Variants in SGCD observed in about 807,000 individuals in gnomAD.
The protein encoded by SGCD is sarcoglycan delta, also known as delta-sarcoglycan.
SGCD carries 18 observed loss-of-function variants against 36.6 expected under a neutral mutation model. The observed-to-expected ratio is 0.49, with a 90% CI of 0.34 to 0.73. The LOEUF is 0.73. SGCD is among the 30% of genes least tolerant of loss of function. The pLI is 0.01. For synonymous variants in SGCD, 133 were observed against 130.6 expected, an observed-to-expected ratio of 1.02 and a Z score of -0.12; for missense variants, 387 against 346.7, an observed-to-expected ratio of 1.12 and a Z score of -0.92.
chr5:156,589,372 C>T, intron 5 of SGCD, 54 bp downstream of exon 5: 1 of 970,998 alleles, frequency 1.0e-6, no homozygotes, highest in South Asian at 1.4e-5. Flanking sequence ...ACTCAGAATA[C>T]AGAATTAATG....
intron 3 of SGCD, among the ~76,000 whole-genome samples, chr5:156,431,097 C>T (rs1340845161): frequency 6.6e-6 from 1 of 152,056 alleles, no homozygotes; most frequent in Non-Finnish European, 1.5e-5. Context: ...GCTGAGGTTT[C>T]ATCAGGGTGA....
intron 2 of SGCD, among the ~76,000 whole-genome samples, chr5:156,343,431 G>A (rs1768772938): frequency 6.6e-6 from 1 of 152,176 alleles, no homozygotes; most frequent in Non-Finnish European, 1.5e-5. Flanking sequence ...AGAGACCTTG[G>A]TACCACATTC....
chr5:156,238,628 G>A (rs1765226278), intron 3 of SGCD, among the ~76,000 whole-genome samples: 1 of 152,142 alleles, frequency 6.6e-6, no homozygotes, highest in Non-Finnish European at 1.5e-5. Context: ...GTTTAAATTT[G>A]AATAGCCACA....
At chr5:156,578,293 T>C (rs1444938810) in intron 4 of SGCD, among the ~76,000 whole-genome samples, 2 of 152,250 alleles carry the variant, frequency 1.3e-5, no homozygotes, top group East Asian at 1.9e-4. Context: ...AGCTTTTCGA[T>C]GTGCTGCTGG....
At chr5:156,215,114 T>C (rs1282120472) in intron 3 of SGCD, among the ~76,000 whole-genome samples, 4 of 152,108 alleles carry the variant, frequency 2.6e-5, no homozygotes, top group Non-Finnish European at 4.4e-5. Flanking sequence ...TTTTGGATCT[T>C]AGAATGTGGG....
intron 1 of SGCD, among the ~76,000 whole-genome samples, chr5:155,913,636 A>G (rs1034189781): frequency 1.1e-4 from 16 of 152,182 alleles, no homozygotes; most frequent in Non-Finnish European, 2.4e-4. Flanking sequence ...TTTAGATTAT[A>G]TAATTACCTT....
At chr5:155,999,232 A>G (rs896229049) in intron 1 of SGCD, among the ~76,000 whole-genome samples, 2 of 152,206 alleles carry the variant, frequency 1.3e-5, no homozygotes, top group Non-Finnish European at 2.9e-5. Flanking sequence ...TCTGATAAAT[A>G]GCTGCCTCAG....
At chr5:156,336,196 G>A (rs906043234) in intron 2 of SGCD, among the ~76,000 whole-genome samples, 6 of 152,086 alleles carry the variant, frequency 3.9e-5, no homozygotes, top group Admixed American at 3.9e-4. Context: ...CCTGCCTCAG[G>A]GCCTTTGCAC....
intron 7 of SGCD, among the ~76,000 whole-genome samples, chr5:156,704,741 T>G (rs1376016064): frequency 6.6e-6 from 1 of 152,134 alleles, no homozygotes; most frequent in Non-Finnish European, 1.5e-5. Flanking sequence ...GCTTTAAATT[T>G]TGGTCTAAAC....
At chr5:155,871,220 A>G (rs1201721822) in intron 1 of SGCD, among the ~76,000 whole-genome samples, 1 of 152,126 alleles carries the variant, frequency 6.6e-6, no homozygotes. Context: ...TTTACAGAAT[A>G]ATAACATTTT....
intron 1 of SGCD, among the ~76,000 whole-genome samples, chr5:156,087,815 A>G (rs1358808591): frequency 6.6e-6 from 1 of 152,176 alleles, no homozygotes; most frequent in Non-Finnish European, 1.5e-5. Context: ...ATGGAGGAAC[A>G]TAGAAGCTAG....
intron 3 of SGCD, among the ~76,000 whole-genome samples, chr5:156,280,640 A>T (rs1042569709): frequency 6.6e-6 from 1 of 152,216 alleles, no homozygotes; most frequent in Non-Finnish European, 1.5e-5. Flanking sequence ...TTACAGTTGG[A>T]TGATATTTTT....
At chr5:156,576,789 T>C (rs976057306) in intron 4 of SGCD, among the ~76,000 whole-genome samples, 10 of 152,178 alleles carry the variant, frequency 6.6e-5, no homozygotes, top group African/African-American at 2.4e-4. Context: ...CTTGTAAATG[T>C]AAGTTCTTTG....
At chr5:156,485,722 G>T (rs1026698668) in intron 3 of SGCD, among the ~76,000 whole-genome samples, 2 of 152,058 alleles carry the variant, frequency 1.3e-5, no homozygotes, top group African/African-American at 4.8e-5. Context: ...AAAAATACAG[G>T]ACAAAGCAAC....
chr5:156,748,819 G>T (rs1337111132), intron 7 of SGCD, among the ~76,000 whole-genome samples: 1 of 152,106 alleles, frequency 6.6e-6, no homozygotes, highest in Non-Finnish European at 1.5e-5. Context: ...TTGAGATGGA[G>T]TCTCGCTCTG....
At chr5:156,203,016 T>C (rs190727686) in intron 3 of SGCD, among the ~76,000 whole-genome samples, 3 of 152,246 alleles carry the variant, frequency 2.0e-5, no homozygotes, top group Admixed American at 2.0e-4. Context: ...TTACATGCCT[T>C]GAGACTCTGT....
intron 7 of SGCD, among the ~76,000 whole-genome samples, chr5:156,713,409 TC>T (rs1413877734): frequency 1.5e-5 from 2 of 129,384 alleles, no homozygotes; most frequent in Admixed American, 7.6e-5. Context: ...TTTGAACATG[TC>T]GGGGGGGGCG....
At chr5:156,718,600 C>T (rs1292462018) in intron 7 of SGCD, among the ~76,000 whole-genome samples, 15 of 151,754 alleles carry the variant, frequency 9.9e-5, no homozygotes, top group South Asian at 2.1e-4. Context: ...GGCAACATAG[C>T]AAGACCCAGT....
intron 3 of SGCD, among the ~76,000 whole-genome samples, chr5:156,379,300 G>A (rs1470176244): frequency 6.6e-6 from 1 of 152,148 alleles, no homozygotes; most frequent in African/African-American, 2.4e-5. Context: ...TGAAAGTTTA[G>A]ATAGTCCAAG....
Sources: gnomAD v4.1 joint callset for allele counts (sites outside exome capture counted in the v4.1 genomes callset) on GRCh38, gnomAD v4.1.1 for gene constraint, MANE v1.5 for transcripts, NCBI Gene and HGNC (gene_info 2026-07-23, HGNC 2026-07-21) for gene names.